Variants in CPN1 observed in about 807,000 individuals in gnomAD.
CPN1 encodes the protein carboxypeptidase N catalytic chain.
In CPN1, 37 loss-of-function variants were observed where a neutral mutation model predicts 46.4. The ratio of observed to expected loss-of-function variants is 0.80; its 90% CI spans 0.61 to 1.05. CPN1 has a LOEUF of 1.05. Among genes scored for constraint, CPN1 ranks in the 50% least tolerant of loss-of-function variants. The pLI is 0.00. For synonymous variants in CPN1, 224 were observed against 235.4 expected (o/e 0.95, Z 0.44); for missense variants, 563 against 602.6 (o/e 0.93, Z 0.69).
At chr10:100,072,262 A>T (rs952593046) in intron 2 of CPN1, among the ~76,000 whole-genome samples, 4 of 151,992 alleles carry the variant, frequency 2.6e-5, no homozygotes, top group Admixed American at 6.6e-5. Context: ...TGCAGCCTCA[A>T]CCTCCTGGGC....
At chr10:100,073,825 G>A (rs1454846338) in intron 2 of CPN1, among the ~76,000 whole-genome samples, 1 of 151,998 alleles carries the variant, frequency 6.6e-6, no homozygotes, top group Non-Finnish European at 1.5e-5. Flanking sequence ...ATGTTGGTCA[G>A]GCTGGTCTTG....
intron 2 of CPN1, 73 bp downstream of exon 2, chr10:100,075,838 G>T: frequency 7.1e-7 from 1 of 1,417,498 alleles, no homozygotes; most frequent in Non-Finnish European, 9.9e-7. Flanking sequence ...GACAGAGAGG[G>T]AATCTTGTCC....
At position 100,051,313 on chromosome 10, in the gene CPN1, G is replaced by A. The variant is rs116275653; in HGVS notation, c.1112-2437C>T. 4.8e-3 allele frequency among the ~76,000 whole-genome samples: 731 copies of A among 152,152 alleles called. 11 individuals carry two copies. The highest frequency in any genetic ancestry group is 0.016 in the African/African-American group (679 of 41,518). ...TTTAAAATACTTCAGCAAAGTACAT[G>A]TGTTGGATAGTTGAAATGACACCCC... On this transcript the variant is annotated intron_variant, in intron 7 of 8. Transcript: ENST00000370418.
At chr10:100,077,528 G>T (rs2133449505) in intron 1 of CPN1, among the ~76,000 whole-genome samples, 1 of 152,228 alleles carries the variant, frequency 6.6e-6, no homozygotes, top group East Asian at 1.9e-4. Flanking sequence ...ATTGCACCCG[G>T]CTGGGTTTTA....
chr10:100,056,469 T>C (rs934701610), intron 6 of CPN1, among the ~76,000 whole-genome samples: 4 of 152,222 alleles, frequency 2.6e-5, no homozygotes, highest in African/African-American at 9.6e-5. Context: ...CACTAGAAGG[T>C]AAGTTCCATA....
intron 1 of CPN1, 77 bp downstream of exon 1, chr10:100,081,326 C>A: frequency 7.4e-7 from 1 of 1,360,378 alleles, no homozygotes; most frequent in South Asian, 1.2e-5. Context: ...CGGACCACCC[C>A]AGAAACCACT....
chr10:100,053,658 G>A (rs545584533), intron 7 of CPN1, among the ~76,000 whole-genome samples: 1 of 151,906 alleles, frequency 6.6e-6, no homozygotes, highest in South Asian at 2.1e-4. Flanking sequence ...GGGGATTTAG[G>A]CAAATCTCAC....
In CPN1 at chr10:100,069,861, G is replaced by C. The variant is rs1589477809; in HGVS notation, c.429C>G (p.Asn143Lys). The change falls in exon 3 of 9, where the codon AAC becomes AAG. Residue 143 changes from asparagine (N) to lysine (K), a missense_variant. By Grantham distance (94) the Asn-to-Lys change is moderately conservative (BLOSUM62 0). Coordinates refer to ENST00000370418, the MANE Select transcript of CPN1 (RefSeq NM_001308.3). ...GYEVAAAQGPNKPGYLVGRNN... is the reference protein window; with the variant it reads ...GYEVAAAQGPKKPGYLVGRNN... Reference sequence around the variant, plus strand: ...TCCTGCCAACTAGATACCCAGGCTTGTTTGGGCCCTAAAGGAAAATGAAAA... The same window carrying C: ...TCCTGCCAACTAGATACCCAGGCTTCTTTGGGCCCTAAAGGAAAATGAAAA... The C allele has an allele frequency of 1.2e-6, 2 of 1,613,586 alleles. No homozygotes were observed. The highest frequency in any genetic ancestry group is 3.3e-4 in the Middle Eastern group (2 of 6,062).
intron 7 of CPN1, among the ~76,000 whole-genome samples, chr10:100,054,043 T>C (rs1371455961): frequency 1.3e-5 from 2 of 152,222 alleles, no homozygotes; most frequent in African/African-American, 2.4e-5. Flanking sequence ...CAAAATTGTA[T>C]GCGGTAGCAA....
Position 100,081,647 on chromosome 10 carries a change from G to A in CPN1, c.-22C>T. 1 of 1,609,208 alleles carries A rather than the reference G, an allele frequency of 6.2e-7. No individual in the cohort carries two copies. The highest frequency in any genetic ancestry group is 1.1e-5 in the South Asian group (1 of 90,854). The stretch of plus-strand genomic sequence containing the variant: ...ACATCTTGCTGGGCTTTTTCAAAGA[G>A]AGCCACTGAAACGCGCCCCACCTCC... On this transcript the variant is annotated 5_prime_UTR_variant, in exon 1 of 9. Coordinates refer to ENST00000370418, the MANE Select transcript of CPN1 (RefSeq NM_001308.3).
intron 1 of CPN1, among the ~76,000 whole-genome samples, chr10:100,079,606 C>T (rs867954370): frequency 4.1e-4 from 62 of 152,288 alleles, no homozygotes; most frequent in Middle Eastern, 6.8e-3. Context: ...AGTTTCAAAG[C>T]GAGGCAATTA....
intron 6 of CPN1, 27 bp downstream of exon 6, chr10:100,056,986 C>T (rs1202082099): frequency 3.1e-6 from 5 of 1,613,888 alleles, no homozygotes; most frequent in Non-Finnish European, 4.2e-6. Context: ...TTTTTGCAAA[C>T]ATGAGAGTTA....
At chr10:100,063,541 A>G in intron 5 of CPN1, 73 bp downstream of exon 5, 1 of 1,167,438 alleles carries the variant, frequency 8.6e-7, no homozygotes, top group Non-Finnish European at 1.3e-6. Context: ...TTTCCCTGAG[A>G]AAACTGGGAA....
At position 100,069,825 on chromosome 10, in the gene CPN1, A is replaced by G; in HGVS notation, c.465T>C (p.Asn155=). ...GGAAGTTGCGGTTCAGGTCCACTCC[A>G]TTTGCATTGTTCCTGCCAACTAGAT... The part of the protein sequence containing the change: ...PGYLVGRNNA[N]GVDLNRNFPD... Residue 155 remains asparagine (N), a synonymous_variant, in exon 3 of 9, where the codon AAT becomes AAC. Transcript: ENST00000370418. 6.2e-7 allele frequency: 1 copy of G among 1,613,812 alleles called. No individual in the cohort carries two copies. Among genetic ancestry groups the G allele is most frequent in the Non-Finnish European group, 8.5e-7 (1 of 1,179,978 alleles).
intron 2 of CPN1, among the ~76,000 whole-genome samples, chr10:100,075,014 G>T (rs1041905958): frequency 6.6e-6 from 1 of 152,168 alleles, no homozygotes; most frequent in Non-Finnish European, 1.5e-5. Flanking sequence ...GTCCTGCCAG[G>T]CACGGTGGCT....
chr10:100,081,092 G>A (rs981239122), intron 1 of CPN1, among the ~76,000 whole-genome samples: 2 of 152,070 alleles, frequency 1.3e-5, no homozygotes, highest in Non-Finnish European at 2.9e-5. Flanking sequence ...CAATAGTAAG[G>A]GGAAAAGAAA....
intron 3 of CPN1, among the ~76,000 whole-genome samples, chr10:100,068,573 G>A (rs1277925019): frequency 3.9e-5 from 6 of 152,076 alleles, no homozygotes; most frequent in Non-Finnish European, 7.4e-5. Context: ...TGGAGACAGG[G>A]TCTCTTGCTC....
rs2041447569 is a variant in CPN1, at chr10:100,065,239, C to G, written c.708G>C (p.Gly236=). 6.2e-7 allele frequency: 1 copy of G among 1,613,944 alleles called. No individual in the cohort carries two copies. Among genetic ancestry groups the G allele is most frequent in the South Asian group, 1.1e-5 (1 of 91,086 alleles). ...TGGGGGTGCTGGCGGTGCGGCGGAC[C>G]CCTCGGACCCGGTGCTCAAAGGACT... ...YDKSFEHRVR[G]VRRTASTPTP... is the part of the protein sequence containing the mutation. Residue 236 remains glycine, a synonymous_variant, in exon 4 of 9, where the codon GGG becomes GGC. Transcript: ENST00000370418.
At chr10:100,079,914 G>A (rs762686543) in intron 1 of CPN1, among the ~76,000 whole-genome samples, 11 of 151,996 alleles carry the variant, frequency 7.2e-5, no homozygotes, top group Non-Finnish European at 5.9e-5. Context: ...GTGAAACCCC[G>A]TCTCTACTAA....
Sources: gnomAD v4.1 joint callset for allele counts (sites outside exome capture counted in the v4.1 genomes callset) on GRCh38, gnomAD v4.1.1 for gene constraint, MANE v1.5 for transcripts, NCBI Gene and HGNC (gene_info 2026-07-23, HGNC 2026-07-21) for gene names.